DISC1: variants seen among roughly 807,000 people sequenced by gnomAD.
DISC1 encodes disrupted in schizophrenia 1 protein.
In DISC1, 57 loss-of-function variants were observed where a neutral mutation model predicts 84.5. The observed-to-expected ratio is 0.67, with a 90% CI of 0.55 to 0.84. The LOEUF is 0.84. Among genes scored for constraint, DISC1 ranks in the 40% least tolerant of loss-of-function variants. DISC1 has a pLI of 0.00. For missense variants in DISC1, 1,000 were observed against 1,057.8 expected (o/e 0.95, Z 0.76); for synonymous variants, 411 against 415.2 (o/e 0.99, Z 0.12).
intron 11 of DISC1, among the ~76,000 whole-genome samples, chr1:232,016,373 T>TAAAA (rs1668492026): frequency 6.6e-6 from 1 of 152,146 alleles, no homozygotes; most frequent in Admixed American, 6.5e-5. Flanking sequence ...AAAAGGGCCT[T>TAAAA]AGGGTTGGAT....
intron 1 of DISC1, among the ~76,000 whole-genome samples, chr1:231,662,076 C>A (rs1307502370): frequency 6.6e-6 from 1 of 152,184 alleles, no homozygotes; most frequent in African/African-American, 2.4e-5. Context: ...GAGATATCAC[C>A]AGTGAAGGCT....
Position 231,694,424 on chromosome 1 carries a change from A to T in DISC1, c.666A>T (p.Glu222Asp). ...FIRLSLGSAG[E>D]RGEAEGCPPS... The stretch of plus-strand genomic sequence containing the variant: ...GGCTCTCGCTTGGCTCTGCCGGGGA[A>T]CGTGGAGAAGCAGAAGGCTGCCCAC... Residue 222 changes from glutamate to aspartate, a missense_variant, in exon 2 of 13, where the codon GAA becomes GAT. Glu to Asp is a conservative substitution (Grantham distance 45, BLOSUM62 2). Transcript: ENST00000439617. The T allele has an allele frequency of 6.2e-7, 1 of 1,614,144 alleles. No individual in the cohort carries two copies. Among genetic ancestry groups the T allele is most frequent in the Non-Finnish European group, 8.5e-7 (1 of 1,180,000 alleles).
intron 3 of DISC1, among the ~76,000 whole-genome samples, chr1:231,738,284 C>T (rs2072783771): frequency 6.6e-6 from 1 of 152,208 alleles, no homozygotes; most frequent in African/African-American, 2.4e-5. Flanking sequence ...TTCCATTTCA[C>T]CAAGCATCCC....
intron 9 of DISC1, among the ~76,000 whole-genome samples, chr1:231,835,318 G>A (rs1016384720): frequency 6.6e-6 from 1 of 152,202 alleles, no homozygotes; most frequent in Non-Finnish European, 1.5e-5. Flanking sequence ...GTGCAAGCGG[G>A]CTGAGTCCGA....
At chr1:231,664,902 A>AC (rs2061883342) in intron 1 of DISC1, among the ~76,000 whole-genome samples, 2 of 146,872 alleles carry the variant, frequency 1.4e-5, no homozygotes, top group South Asian at 4.3e-4. Flanking sequence ...TCCTAGAAAT[A>AC]TAAAAAAAAA....
At chr1:232,015,354 C>T (rs903802921) in intron 11 of DISC1, among the ~76,000 whole-genome samples, 8 of 152,056 alleles carry the variant, frequency 5.3e-5, no homozygotes, top group African/African-American at 1.7e-4. Flanking sequence ...TTGGTGACGC[C>T]GTTCACCTTG....
intron 9 of DISC1, among the ~76,000 whole-genome samples, chr1:231,849,763 T>C (rs534980097): frequency 1.3e-5 from 2 of 152,356 alleles, no homozygotes; most frequent in South Asian, 2.1e-4. Context: ...ATATAACCTT[T>C]GTCTTCTCAC....
intron 9 of DISC1, among the ~76,000 whole-genome samples, chr1:231,884,071 A>T (rs1184324680): frequency 6.6e-6 from 1 of 152,062 alleles, no homozygotes; most frequent in Non-Finnish European, 1.5e-5. Context: ...GATAAGAATC[A>T]TCTCCTTTGG....
intron 1 of DISC1, among the ~76,000 whole-genome samples, chr1:231,645,448 G>T (rs1357693877): frequency 6.6e-6 from 1 of 151,248 alleles, no homozygotes; most frequent in Non-Finnish European, 1.5e-5. Context: ...TTCAAGGTCT[G>T]CCTGATGTCC....
chr1:231,884,339 C>T (rs901662120), intron 9 of DISC1, among the ~76,000 whole-genome samples: 5 of 152,178 alleles, frequency 3.3e-5, no homozygotes, highest in Non-Finnish European at 2.9e-5. Context: ...TAAGCGAGAA[C>T]GTGCAGTATT....
intron 9 of DISC1, among the ~76,000 whole-genome samples, chr1:231,900,407 A>G (rs748017252): frequency 2.0e-5 from 3 of 152,248 alleles, no homozygotes; most frequent in Non-Finnish European, 4.4e-5. Context: ...GGAAGGCTTC[A>G]AATAATTCTC....
chr1:231,992,174 T>C (rs1445379441), intron 10 of DISC1, among the ~76,000 whole-genome samples: 1 of 152,202 alleles, frequency 6.6e-6, no homozygotes, highest in East Asian at 1.9e-4. Context: ...TTTTGACCAA[T>C]ATTGCTGAAT....
chr1:231,994,867 C>T (rs1665698012), intron 10 of DISC1, among the ~76,000 whole-genome samples: 1 of 152,074 alleles, frequency 6.6e-6, no homozygotes, highest in Non-Finnish European at 1.5e-5. Flanking sequence ...ACTAACAATC[C>T]AGGGAGGGGT....
intron 1 of DISC1, among the ~76,000 whole-genome samples, chr1:231,670,931 AT>A (rs1434230052): frequency 1.3e-5 from 2 of 152,164 alleles, no homozygotes; most frequent in African/African-American, 4.8e-5. Context: ...TGTCTTTATA[AT>A]GTCTGCCAAC....
At chr1:231,696,892 T>G (rs2065781301) in intron 2 of DISC1, among the ~76,000 whole-genome samples, 1 of 152,222 alleles carries the variant, frequency 6.6e-6, no homozygotes, top group South Asian at 2.1e-4. Context: ...AATGCATTTC[T>G]CAGAATGCAT....
chr1:231,638,715 T>C (rs1303930521), intron 1 of DISC1, among the ~76,000 whole-genome samples: 2 of 152,222 alleles, frequency 1.3e-5, no homozygotes, highest in Non-Finnish European at 2.9e-5. Context: ...TCTATTTTTA[T>C]ACCAGCCTAT....
chr1:231,848,297 T>C (rs767656455), intron 9 of DISC1, among the ~76,000 whole-genome samples: 1 of 152,190 alleles, frequency 6.6e-6, no homozygotes, highest in Non-Finnish European at 1.5e-5. Flanking sequence ...TTATACTGTA[T>C]TCATACCCTG....
chr1:231,964,250 A>G (rs899070999), intron 10 of DISC1, among the ~76,000 whole-genome samples: 5 of 152,178 alleles, frequency 3.3e-5, no homozygotes, highest in Non-Finnish European at 1.5e-5. Flanking sequence ...AAATATGTGA[A>G]TTAATGCAAA....
intron 9 of DISC1, among the ~76,000 whole-genome samples, chr1:231,939,625 C>T (rs752910821): frequency 1.3e-5 from 2 of 152,222 alleles, no homozygotes; most frequent in Non-Finnish European, 2.9e-5. Context: ...TGCTAATCTT[C>T]AATCAGCCCG....
Sources: gnomAD v4.1 joint callset for allele counts (sites outside exome capture counted in the v4.1 genomes callset) on GRCh38, gnomAD v4.1.1 for gene constraint, MANE v1.5 for transcripts, NCBI Gene and HGNC (gene_info 2026-07-23, HGNC 2026-07-21) for gene names.